The following GRID2 variants were observed in gnomAD, a reference collection of about 807,000 sequenced individuals.
GRID2 encodes the protein glutamate ionotropic receptor delta type subunit 2, also known as glutamate receptor ionotropic, delta-2.
In GRID2, 33 loss-of-function variants were observed where a neutral mutation model predicts 114.8. The observed-to-expected ratio is 0.29, with a 90% confidence interval of 0.22 to 0.38. The LOEUF (loss-of-function observed/expected upper bound fraction) is 0.38. Ranked by LOEUF, GRID2 falls within the 10% of genes least tolerant of loss-of-function variation. The pLI is 1.00. For missense variants in GRID2, 1,184 were observed against 1,257.7 expected, an observed-to-expected ratio of 0.94 and a Z score of 0.89; for synonymous variants, 505 against 449.9, an observed-to-expected ratio of 1.12 and a Z score of -1.55.
chr4:93,283,531 G>A (rs1000751243), intron 8 of GRID2, among the ~76,000 whole-genome samples: 1 of 152,016 alleles, frequency 6.6e-6, no homozygotes, highest in Non-Finnish European at 1.5e-5. Flanking sequence ...GCCTAGGAAT[G>A]TGTATTTAAA....
chr4:93,614,177 C>T lies in GRID2; in HGVS notation c.2194-12092C>T, dbSNP rs767860571. On this transcript the variant is annotated intron_variant, in intron 13 of 15. Coordinates refer to ENST00000282020, the MANE Select transcript of GRID2 (RefSeq NM_001510.4). ...GCCTCGCCCTGCTTCAGCTCGCGCA[C>T]GGTGCGTGCACCCACTGGCCTGCGC... 1.1e-4 allele frequency among the ~76,000 whole-genome samples: 17 copies of T among 152,304 alleles called. No individual in the cohort carries two copies. The East Asian group carries it at 1.9e-3, about 17-fold the overall frequency.
At position 92,501,290 on chromosome 4, in the gene GRID2, G is replaced by A. The variant is rs80212070; in HGVS notation, c.89-88841G>A. Among the ~76,000 whole-genome samples, 655 of 152,278 alleles carry A rather than the reference G, an allele frequency of 4.3e-3. 4 individuals carry two copies. Among genetic ancestry groups the A allele is most frequent in the African/African-American group, 0.015 (636 of 41,560 alleles). On this transcript the variant is annotated intron_variant, in intron 1 of 15. Transcript: ENST00000282020. Reference sequence around the variant, plus strand: ...TGGCCAGAGCATCTGTGAGGGGGCAGGTTATGCCAGTGGGCTCATTTTACC... The same window carrying A: ...TGGCCAGAGCATCTGTGAGGGGGCAAGTTATGCCAGTGGGCTCATTTTACC...
chr4:93,300,637 T>C (rs1461236492), intron 8 of GRID2, among the ~76,000 whole-genome samples: 1 of 152,146 alleles, frequency 6.6e-6, no homozygotes, highest in African/African-American at 2.4e-5. Context: ...GGGGTGACAC[T>C]TTGTGGACTA....
intron 14 of GRID2, among the ~76,000 whole-genome samples, chr4:93,726,705 C>T (rs1249677840): frequency 6.6e-6 from 1 of 152,074 alleles, no homozygotes; most frequent in Non-Finnish European, 1.5e-5. Context: ...CTTCACATCT[C>T]TTGTAAGTTG....
chr4:93,230,212 C>G (rs1414077814), intron 7 of GRID2, among the ~76,000 whole-genome samples: 1 of 151,676 alleles, frequency 6.6e-6, no homozygotes, highest in African/African-American at 2.4e-5. Context: ...GATTTTCAAA[C>G]TGGTTATTGT....
intron 2 of GRID2, among the ~76,000 whole-genome samples, chr4:92,624,382 T>C (rs1730419976): frequency 6.6e-6 from 1 of 151,816 alleles, no homozygotes; most frequent in Admixed American, 6.6e-5. Context: ...TTTGCAGTTA[T>C]TGATCCATGG....
At chr4:93,275,949 G>A (rs963325257) in intron 8 of GRID2, among the ~76,000 whole-genome samples, 2 of 151,706 alleles carry the variant, frequency 1.3e-5, no homozygotes, top group Non-Finnish European at 2.9e-5. Context: ...ATCATTTCTA[G>A]AATAAGAGTT....
intron 1 of GRID2, among the ~76,000 whole-genome samples, chr4:92,370,574 G>T (rs1404960282): frequency 6.6e-6 from 1 of 151,914 alleles, no homozygotes; most frequent in Non-Finnish European, 1.5e-5. Flanking sequence ...TTGCTTGTGA[G>T]ACTCCATCTC....
At chr4:93,509,728 G>A (rs950965436) in intron 12 of GRID2, among the ~76,000 whole-genome samples, 3 of 152,266 alleles carry the variant, frequency 2.0e-5, no homozygotes, top group African/African-American at 7.2e-5. Context: ...CTTGGGGATG[G>A]CCTGCCTTAC....
chr4:92,444,908 T>C (rs1247007774), intron 1 of GRID2, among the ~76,000 whole-genome samples: 1 of 152,182 alleles, frequency 6.6e-6, no homozygotes, highest in African/African-American at 2.4e-5. Context: ...TGAAGACTTT[T>C]TTTTCAGACA....
intron 2 of GRID2, among the ~76,000 whole-genome samples, chr4:92,656,048 C>T (rs940771293): frequency 1.2e-4 from 18 of 151,618 alleles, no homozygotes; most frequent in African/African-American, 3.4e-4. Context: ...CCTTCTATGC[C>T]GAGTTTGTTG....
At position 93,102,560 on chromosome 4, in the gene GRID2, T is replaced by C. The variant is rs193084001; in HGVS notation, c.530-8188T>C. Among the ~76,000 whole-genome samples, 308 of 151,960 alleles carry C rather than the reference T, an allele frequency of 2.0e-3. 2 individuals carry two copies. The highest frequency in any genetic ancestry group is 7.3e-3 in the African/African-American group (303 of 41,464). On this transcript the variant is annotated intron_variant, in intron 3 of 15. Transcript: ENST00000282020. ...CAGTACTATCCCTTAAAAAATTACT[T>C]AGGCCAGAGGACATGGAGAGTTCGA... is the stretch of plus-strand genomic sequence containing the variant.
At chr4:92,715,757 G>A (rs891571764) in intron 2 of GRID2, among the ~76,000 whole-genome samples, 3 of 152,142 alleles carry the variant, frequency 2.0e-5, no homozygotes, top group African/African-American at 4.8e-5. Context: ...ATTCACATAC[G>A]TATCACTAGG....
At chr4:92,854,794 T>C (rs1212776344) in intron 2 of GRID2, among the ~76,000 whole-genome samples, 2 of 151,974 alleles carry the variant, frequency 1.3e-5, no homozygotes, top group Non-Finnish European at 2.9e-5. Flanking sequence ...TAAAAAAATT[T>C]AGAAAGGGGA....
At chr4:93,801,602 A>G (rs1451656618) in intron 1 of GRID2, among the ~76,000 whole-genome samples, 1 of 152,196 alleles carries the variant, frequency 6.6e-6, no homozygotes, top group Non-Finnish European at 1.5e-5. Flanking sequence ...AATAATGTAA[A>G]TAGCGCCTTC....
At chr4:92,378,770 T>C (rs1400600288) in intron 1 of GRID2, among the ~76,000 whole-genome samples, 1 of 152,052 alleles carries the variant, frequency 6.6e-6, no homozygotes, top group Non-Finnish European at 1.5e-5. Context: ...GGATACCTTA[T>C]GCCTAATTAA....
intron 14 of GRID2, among the ~76,000 whole-genome samples, chr4:93,726,197 A>C (rs192250684): frequency 3.3e-5 from 5 of 152,188 alleles, no homozygotes; most frequent in African/African-American, 4.8e-5. Flanking sequence ...TTAACTTTCT[A>C]CATATGGCTA....
chr4:92,827,259 C>T (rs566524910), intron 2 of GRID2, among the ~76,000 whole-genome samples: 1 of 151,814 alleles, frequency 6.6e-6, no homozygotes, highest in South Asian at 2.1e-4. Context: ...GTTATATTAA[C>T]GTTTAATGAA....
chr4:93,416,055 C>A (rs548946744), intron 9 of GRID2, among the ~76,000 whole-genome samples: 13 of 152,094 alleles, frequency 8.5e-5, no homozygotes, highest in African/African-American at 2.9e-4. Context: ...AAAATGTTTT[C>A]ATTGCATATC....
Sources: allele counts gnomAD v4.1 joint callset (sites outside exome capture counted in the v4.1 genomes callset), GRCh38; gene constraint gnomAD v4.1.1; transcripts MANE v1.5; gene names NCBI Gene and HGNC (gene_info 2026-07-23, HGNC 2026-07-21).